Variants in POLR3A observed in about 807,000 individuals in gnomAD.
The protein encoded by POLR3A is DNA-directed RNA polymerase III subunit RPC1.
A neutral mutation model predicts 152.8 loss-of-function variants in POLR3A; 112 were observed. The observed-to-expected ratio is 0.73, with a 90% CI of 0.63 to 0.86. The LOEUF is 0.86. POLR3A is among the 40% of genes least tolerant of loss of function. The pLI, the probability that POLR3A is intolerant of heterozygous loss-of-function variation, is 0.00. For synonymous variants in POLR3A, 615 were observed against 652.1 expected, an observed-to-expected ratio of 0.94 and a Z score of 0.87; for missense variants, 1,385 against 1,743.1, an observed-to-expected ratio of 0.79 and a Z score of 3.66.
At chr10:78,022,740 C>T (rs529466315) in intron 5 of POLR3A, among the ~76,000 whole-genome samples, 2 of 152,200 alleles carry the variant, frequency 1.3e-5, no homozygotes, top group African/African-American at 4.8e-5. Context: ...TTGGAAAGAG[C>T]CTGACAGTTT....
At chr10:77,980,325 T>G in intron 29 of POLR3A, 52 bp from the exon 30 acceptor site, 1 of 1,596,772 alleles carries the variant, frequency 6.3e-7, no homozygotes, top group South Asian at 1.1e-5. Flanking sequence ...TGGCAAAAGC[T>G]CGAAACCAAA....
At chr10:78,026,351 G>T in intron 1 of POLR3A, 122 bp from the exon 2 acceptor site, 1 of 927,648 alleles carries the variant, frequency 1.1e-6, no homozygotes, top group Non-Finnish European at 1.7e-6. Context: ...TTTCCTACCA[G>T]TATTAAATAT....
intron 19 of POLR3A, among the ~76,000 whole-genome samples, chr10:77,994,498 TAA>T (rs35711002): frequency 9.1e-5 from 11 of 121,020 alleles, no homozygotes; most frequent in Admixed American, 8.4e-5. Context: ...AAACATTACT[TAA>T]AAAAAAAAAA....
At chr10:78,015,782 G>A (rs974142879) in intron 10 of POLR3A, among the ~76,000 whole-genome samples, 1 of 152,128 alleles carries the variant, frequency 6.6e-6, no homozygotes, top group Non-Finnish European at 1.5e-5. Context: ...TCCGCCTCCT[G>A]AGTAGCTGGG....
chr10:78,001,443 G>A (rs1847356348), intron 17 of POLR3A, among the ~76,000 whole-genome samples: 3 of 152,206 alleles, frequency 2.0e-5, no homozygotes, highest in Middle Eastern at 3.4e-3. Context: ...GGGTGGGAAA[G>A]TAGGAAGCAA....
rs1426327264 is a variant in POLR3A, at chr10:77,977,082, G to A, written c.*396C>T. On this transcript the variant is annotated 3_prime_UTR_variant, in exon 31 of 31. Coordinates refer to ENST00000372371, the MANE Select transcript of POLR3A (RefSeq NM_007055.4). ...TCCAAGAATGTGCCCTGGCCTGTGTGGGGCTCAGGCCTGGCTCATCGTCAG... is the reference window on the plus strand; with the variant it reads ...TCCAAGAATGTGCCCTGGCCTGTGTAGGGCTCAGGCCTGGCTCATCGTCAG... 2.0e-5 allele frequency: 5 copies of A among 246,318 alleles called. No individual in the cohort carries two copies. Among genetic ancestry groups the A allele is most frequent in the Non-Finnish European group, 4.0e-5 (5 of 124,996 alleles). 15.3% of individuals were successfully genotyped at this position (246,318 alleles called of 1,614,324 possible).
At chr10:77,999,074 T>G (rs900677172) in intron 19 of POLR3A, among the ~76,000 whole-genome samples, 3 of 152,246 alleles carry the variant, frequency 2.0e-5, no homozygotes, top group East Asian at 1.9e-4. Context: ...TGCCGCATGT[T>G]CTCACTCATA....
chr10:77,982,508 A>C lies in POLR3A; in HGVS notation c.3594+145T>G, dbSNP rs16935501. The stretch of plus-strand genomic sequence containing the variant: ...ACATCAGTTTTTTGATAGAACAGAG[A>C]GGAATCTAACAGACTAACTCCTTGG... On this transcript the variant is annotated intron_variant, in intron 27 of 30. Transcript: ENST00000372371. 1.2e-3 allele frequency: 1,108 copies of C among 891,294 alleles called. 9 individuals are homozygous for C. The African/African-American group carries it at 0.014, about 12-fold the overall frequency. The allele number at this position is 891,294 out of a possible 1,614,324, so 55.2% of individuals were successfully genotyped here.
chr10:77,978,729 C>T (rs1231391062), intron 30 of POLR3A, among the ~76,000 whole-genome samples: 3 of 149,784 alleles, frequency 2.0e-5, no homozygotes, highest in Non-Finnish European at 4.4e-5. Flanking sequence ...GGTGCAATCT[C>T]GGCTCACTGC....
At chr10:77,998,836 A>G (rs1285316387) in intron 19 of POLR3A, among the ~76,000 whole-genome samples, 1 of 152,224 alleles carries the variant, frequency 6.6e-6, no homozygotes, top group Non-Finnish European at 1.5e-5. Context: ...ATGCTGCTAT[A>G]AAGACACATG....
At chr10:78,007,949 T>G (rs998517381) in intron 14 of POLR3A, 83 bp from the exon 15 acceptor site, 3 of 1,122,948 alleles carry the variant, frequency 2.7e-6, no homozygotes, top group Non-Finnish European at 3.8e-6. Context: ...GTTGAGAAAA[T>G]ATGTTCCCAT....
chr10:78,019,356 G>C (rs761152930), intron 8 of POLR3A, 91 bp from the exon 9 acceptor site: 10 of 943,018 alleles, frequency 1.1e-5, no homozygotes, highest in Admixed American at 5.4e-5. Flanking sequence ...TACTTTCCTT[G>C]TTCAGATTCT....
chr10:78,023,231 C>T (rs557748850), intron 5 of POLR3A, among the ~76,000 whole-genome samples: 5 of 149,780 alleles, frequency 3.3e-5, no homozygotes, highest in South Asian at 2.1e-4. Flanking sequence ...GGGGCTGAGG[C>T]GGGTGGGTCA....
At chr10:77,985,865 T>C (rs545149653) in intron 23 of POLR3A, 38 bp downstream of exon 23, 7 of 1,479,482 alleles carry the variant, frequency 4.7e-6, no homozygotes, top group Admixed American at 3.3e-5. Flanking sequence ...GTGAGACCTA[T>C]GTGGATGACC....
intron 27 of POLR3A, 122 bp from the exon 28 acceptor site, chr10:77,982,440 T>C: frequency 1.9e-6 from 2 of 1,044,084 alleles, no homozygotes; most frequent in South Asian, 2.5e-5. Flanking sequence ...GTTTTAGGGA[T>C]AAGGGAGAAC....
At chr10:78,020,657 G>A (rs1003891609) in intron 8 of POLR3A, among the ~76,000 whole-genome samples, 1 of 151,928 alleles carries the variant, frequency 6.6e-6, no homozygotes, top group African/African-American at 2.4e-5. Flanking sequence ...GCATGGTGAT[G>A]GGCGCCTGTA....
At chr10:78,010,301 AAAG>A (rs1847453996) in intron 12 of POLR3A, among the ~76,000 whole-genome samples, 167 bp downstream of exon 12, 1 of 148,456 alleles carries the variant, frequency 6.7e-6, no homozygotes, top group African/African-American at 2.6e-5. Context: ...TTAAAAAAAA[AAAG>A]AAAAAAAAAA....
intron 15 of POLR3A, among the ~76,000 whole-genome samples, chr10:78,005,862 A>G (rs1847405676): frequency 6.6e-6 from 1 of 152,204 alleles, no homozygotes. Context: ...TATATAAAAA[A>G]ACTGAGAGGT....
chr10:78,004,650 C>A, intron 16 of POLR3A, 66 bp downstream of exon 16: 1 of 1,305,056 alleles, frequency 7.7e-7, no homozygotes, highest in Non-Finnish European at 1.1e-6. Flanking sequence ...AGCACAACCC[C>A]AGAGAGCACC....
Sources: gnomAD v4.1 joint callset for allele counts (sites outside exome capture counted in the v4.1 genomes callset) on GRCh38, gnomAD v4.1.1 for gene constraint, MANE v1.5 for transcripts, NCBI Gene and HGNC (gene_info 2026-07-23, HGNC 2026-07-21) for gene names.